The following CD47 variants were observed in gnomAD, a reference collection of about 807,000 sequenced individuals.
CD47 encodes leukocyte surface antigen CD47.
Under a neutral mutation model 44.6 loss-of-function variants are expected in CD47, and 11 were observed. That is an observed-to-expected ratio of 0.25 (90% confidence interval 0.16 to 0.41). CD47 has a LOEUF of 0.41. Among genes scored for constraint, CD47 ranks in the 10% least tolerant of loss-of-function variants. CD47 has a pLI of 1.00. For synonymous variants in CD47, 140 were observed against 136.3 expected, an observed-to-expected ratio of 1.03 and a Z score of -0.19; for missense variants, 306 against 386.7, an observed-to-expected ratio of 0.79 and a Z score of 1.75.
intron 10 of CD47, among the ~76,000 whole-genome samples, 159 bp from the exon 11 acceptor site, chr3:108,047,451 T>C (rs2078738602): frequency 6.6e-6 from 1 of 152,218 alleles, no homozygotes; most frequent in African/African-American, 2.4e-5. Flanking sequence ...ATCATTAGCC[T>C]TTTTAATTTC....
At position 108,079,696 on chromosome 3, in the gene CD47, C is replaced by T. The variant is rs1294831011; in HGVS notation, c.400+295G>A. Among the ~76,000 whole-genome samples the T allele has an allele frequency of 2.6e-5, 4 of 151,034 alleles. No individual in the cohort carries two copies. In the East Asian group the frequency reaches 7.8e-4, roughly 29 times the overall value. Reference sequence around the variant, plus strand: ...GCAAACAGAAATGAAGAGTACATTACCCCAGGACCAATCAGCCAAATAAAA... The same window carrying T: ...GCAAACAGAAATGAAGAGTACATTATCCCAGGACCAATCAGCCAAATAAAA... On this transcript the variant is annotated intron_variant, in intron 2 of 10. Transcript: ENST00000361309.
At chr3:108,059,346 C>T (rs560992703) in intron 5 of CD47, 106 bp downstream of exon 5, 1 of 509,792 alleles carries the variant, frequency 2.0e-6, no homozygotes, top group African/African-American at 2.0e-5. Context: ...TTTAATAAAC[C>T]TACTCTTATT....
chr3:108,049,406 G>C (rs964033324), intron 10 of CD47, among the ~76,000 whole-genome samples: 1 of 152,170 alleles, frequency 6.6e-6, no homozygotes, highest in African/African-American at 2.4e-5. Flanking sequence ...CATATGACTG[G>C]AGTCTGATTC....
Position 108,044,152 on chromosome 3 carries a change from C to A in CD47, c.*3136G>T, listed in dbSNP as rs1007246775. On this transcript the variant is annotated 3_prime_UTR_variant, in exon 11 of 11. Coordinates refer to ENST00000361309, the MANE Select transcript of CD47 (RefSeq NM_001777.4). Reference sequence around the variant, plus strand: ...AATACCCATTTTAAGACAAGAGAAACCTAGAAGGTTGATTACAGCTTAATT... The same window carrying A: ...AATACCCATTTTAAGACAAGAGAAAACTAGAAGGTTGATTACAGCTTAATT... 4 of 152,496 alleles carry A rather than the reference C, an allele frequency of 2.6e-5. No individual in the cohort carries two copies. The highest frequency in any genetic ancestry group is 4.4e-5 in the Non-Finnish European group (3 of 67,996). 9.4% of individuals were successfully genotyped at this position (152,496 alleles called of 1,614,324 possible).
At chr3:108,083,156 T>C (rs944118711) in intron 1 of CD47, among the ~76,000 whole-genome samples, 2 of 152,070 alleles carry the variant, frequency 1.3e-5, no homozygotes. Flanking sequence ...CTAAATCAGA[T>C]AGCAGCAGAC....
chr3:108,090,766 C>T, intron 1 of CD47, 97 bp downstream of exon 1: 1 of 1,176,670 alleles, frequency 8.5e-7, no homozygotes, highest in Non-Finnish European at 1.1e-6. Flanking sequence ...CCCGGCCACC[C>T]TCTTCAGGGC....
intron 1 of CD47, among the ~76,000 whole-genome samples, chr3:108,087,330 ACCCAACGCAATCC>A (rs2079540679): frequency 6.6e-6 from 1 of 152,064 alleles, no homozygotes; most frequent in Non-Finnish European, 1.5e-5. Flanking sequence ...CTTAGTTCTG[ACCCAACGCAATCC>A]CCCTAATGAA....
intron 10 of CD47, 114 bp from the exon 11 acceptor site, chr3:108,047,406 T>C (rs745792191): frequency 1.4e-5 from 9 of 659,608 alleles, no homozygotes; most frequent in African/African-American, 3.8e-5. Context: ...ATTAAGAAAA[T>C]AGACCTGCAA....
intron 2 of CD47, among the ~76,000 whole-genome samples, chr3:108,077,614 T>C (rs2079333116): frequency 6.6e-6 from 1 of 152,120 alleles, no homozygotes; most frequent in South Asian, 2.1e-4. Flanking sequence ...AGCAGTTTCA[T>C]TTGTAACAGC....
intron 1 of CD47, among the ~76,000 whole-genome samples, chr3:108,090,378 T>C (rs1359244476): frequency 6.6e-6 from 1 of 152,158 alleles, no homozygotes; most frequent in Non-Finnish European, 1.5e-5. Context: ...AAACCCCTTC[T>C]CACCGACTTC....
chr3:108,068,686 A>G lies in CD47; in HGVS notation c.490+2407T>C, dbSNP rs1193652089. ...GTTTCTTATCTACAAAACGGGAATA[A>G]CAACAGTGTCTATGCCCATAGAGTT... On this transcript the variant is annotated intron_variant, in intron 3 of 10. Transcript: ENST00000361309. Among the ~76,000 whole-genome samples, 6 of 152,174 alleles carry G rather than the reference A, an allele frequency of 3.9e-5. No individual in the cohort carries two copies. In the East Asian group the frequency reaches 1.2e-3, roughly 29 times the overall value.
At chr3:108,050,704 G>C (rs2108220902) in intron 8 of CD47, 102 bp from the exon 9 acceptor site, 2 of 515,096 alleles carry the variant, frequency 3.9e-6, no homozygotes, top group South Asian at 5.4e-5. Context: ...GTAGTAAGCA[G>C]TAAATCCTAC....
At chr3:108,063,875 C>T (rs1437262138) in intron 3 of CD47, among the ~76,000 whole-genome samples, 1 of 152,112 alleles carries the variant, frequency 6.6e-6, no homozygotes, top group Non-Finnish European at 1.5e-5. Context: ...ACATGCTTAA[C>T]AAAAAATGTA....
intron 2 of CD47, among the ~76,000 whole-genome samples, chr3:108,079,312 T>C (rs991888584): frequency 2.0e-5 from 3 of 151,852 alleles, no homozygotes; most frequent in African/African-American, 7.2e-5. Context: ...TACTACCTTC[T>C]ACACCTCAGC....
chr3:108,082,152 A>G (rs2079432690), intron 1 of CD47, among the ~76,000 whole-genome samples: 1 of 151,980 alleles, frequency 6.6e-6, no homozygotes, highest in South Asian at 2.1e-4. Flanking sequence ...TGAAAGGGAT[A>G]CAAAGACTAC....
intron 1 of CD47, among the ~76,000 whole-genome samples, chr3:108,082,364 G>A (rs2079435955): frequency 6.6e-6 from 1 of 151,976 alleles, no homozygotes; most frequent in Non-Finnish European, 1.5e-5. Context: ...TTTCCACCTG[G>A]TGGAAGAGAG....
intron 10 of CD47, among the ~76,000 whole-genome samples, chr3:108,048,563 T>A (rs1267685094): frequency 6.6e-6 from 1 of 151,856 alleles, no homozygotes; most frequent in East Asian, 1.9e-4. Context: ...TTTTTGTAGT[T>A]TTAGTAGAGA....
intron 2 of CD47, among the ~76,000 whole-genome samples, chr3:108,078,026 A>G (rs2079341522): frequency 2.0e-5 from 3 of 152,078 alleles, no homozygotes; most frequent in Non-Finnish European, 2.9e-5. Flanking sequence ...AGAGCGAACC[A>G]TTAACACACA....
intron 5 of CD47, among the ~76,000 whole-genome samples, chr3:108,058,954 T>C (rs890465924): frequency 7.2e-5 from 11 of 152,196 alleles, no homozygotes; most frequent in African/African-American, 2.7e-4. Context: ...ACTTTCAAAA[T>C]GCAGTGAAAA....
Sources: allele counts gnomAD v4.1 joint callset (sites outside exome capture counted in the v4.1 genomes callset), GRCh38; gene constraint gnomAD v4.1.1; transcripts MANE v1.5; gene names NCBI Gene and HGNC (gene_info 2026-07-23, HGNC 2026-07-21).